Variants in RNF25 observed in about 807,000 individuals in gnomAD.
The protein encoded by RNF25 is ring finger protein 25.
A neutral mutation model predicts 65.0 loss-of-function variants in RNF25; 32 were observed. The observed-to-expected ratio is 0.49, with a 90% confidence interval of 0.37 to 0.66. The LOEUF (loss-of-function observed/expected upper bound fraction) is 0.66. RNF25 is among the 30% of genes least tolerant of loss of function. The pLI, the probability that RNF25 is intolerant of heterozygous loss-of-function variation, is 0.00. For synonymous variants in RNF25, 207 were observed against 221.2 expected (o/e 0.94, Z 0.57); for missense variants, 493 against 584.8 (o/e 0.84, Z 1.62).
At position 218,666,156 on chromosome 2, in the gene RNF25, C is replaced by T; in HGVS notation, c.429+3G>A. On this transcript the variant is annotated splice_donor_region_variant and intron_variant, in intron 6 of 9. Transcript: ENST00000295704. ...AATGCCAGGTCCCAAGAGAGAAACC[C>T]ACCTGGAAACCATAGAGGCAGATGA... 6.2e-7 allele frequency: 1 copy of T among 1,613,860 alleles called. No homozygotes were observed. Among genetic ancestry groups the T allele is most frequent in the Non-Finnish European group, 8.5e-7 (1 of 1,179,808 alleles).
In RNF25 at chr2:218,664,961, G is replaced by C. The variant is rs1939789138; in HGVS notation, c.667-88C>G. 6.4e-7 allele frequency: 1 copy of C among 1,561,512 alleles called. No individual in the cohort carries two copies. Among genetic ancestry groups the C allele is most frequent in the Non-Finnish European group, 8.7e-7 (1 of 1,149,302 alleles). On this transcript the variant is annotated intron_variant, in intron 8 of 9. Transcript: ENST00000295704. This position sits in a 1 kb window ranked among gnomAD's most constrained non-coding sequence, Gnocchi z 5.1. The stretch of plus-strand genomic sequence containing the variant: ...CCTCCCAGGCTGCCTCAGGAGATCT[G>C]CACTGGTTTTGCCCCTCAGGTCTGG...
intron 5 of RNF25, among the ~76,000 whole-genome samples, chr2:218,667,436 C>T (rs1225517897): frequency 1.3e-5 from 2 of 151,166 alleles, no homozygotes; most frequent in East Asian, 2.0e-4. Flanking sequence ...CTGCAATCTC[C>T]GCCTCCCGGG....
intron 1 of RNF25, among the ~76,000 whole-genome samples, chr2:218,670,480 A>G (rs1939927113): frequency 6.6e-6 from 1 of 151,364 alleles, no homozygotes; most frequent in African/African-American, 2.4e-5. Flanking sequence ...TGGATCATGA[A>G]GTCAGGAGAT....
rs1280210045 is a variant in RNF25, at chr2:218,664,350, C to G, written c.987G>C (p.Leu329Phe). ...CTAGCATAGCTTTCTGGGTTTCGCC[C>G]AACCTTTGCTGATTTGACCTGGTCC... ...IPGTRSNQQR[L>F]GETQKAMLDP... The change falls in exon 10 of 10, where the codon TTG becomes TTC. Residue 329 changes from leucine (L) to phenylalanine (F), a missense_variant. Transcript: ENST00000295704. The surrounding 1 kb of genome is among the most constrained non-coding windows in gnomAD (Gnocchi z 5.1). The G allele has an allele frequency of 6.2e-7, 1 of 1,614,070 alleles. No individual in the cohort carries two copies. Among genetic ancestry groups the G allele is most frequent in the African/African-American group, 1.3e-5 (1 of 74,934 alleles).
At chr2:218,666,100 C>T (rs781315810) in intron 6 of RNF25, 41 bp from the exon 7 acceptor site, 3 of 1,611,218 alleles carry the variant, frequency 1.9e-6, no homozygotes, top group Non-Finnish European at 2.5e-6. Context: ...TCAGAGCTCT[C>T]TCACAGCCCT....
chr2:218,671,888 T>G (rs779293714), intron 1 of RNF25, 42 bp downstream of exon 1: 2 of 1,612,686 alleles, frequency 1.2e-6, no homozygotes, highest in Admixed American at 1.7e-5. Flanking sequence ...GCCTCTGGAC[T>G]AGATCCAGGC....
chr2:218,665,262 A>C lies in RNF25; in HGVS notation c.574-15T>G, dbSNP rs771168759. ...CCGACTGCCTTCTAAAAAAGAGAAA[A>C]ATCATATGCCTGTGTCACAGCCCAG... is the stretch of plus-strand genomic sequence containing the variant. On this transcript the variant is annotated splice_polypyrimidine_tract_variant and intron_variant, in intron 7 of 9. Transcript: ENST00000295704. The C allele has an allele frequency of 2.5e-5, 41 of 1,610,992 alleles. No individual in the cohort carries two copies. Among genetic ancestry groups the C allele is most frequent in the Middle Eastern group, 1.6e-4 (1 of 6,072 alleles).
rs371228589 is a variant in RNF25, at chr2:218,664,522, G to A, written c.815C>T (p.Ala272Val). ...GACATCTACAGCTGACTCAGGTTCC[G>A]CAGGGGCAGGAGGCTAGAAATAAGT... Reference protein sequence around the residue: ...FISLQQPPAPAEPESAVDVSK... With the variant: ...FISLQQPPAPVEPESAVDVSK... The change falls in exon 10 of 10, where the codon GCG becomes GTG. Residue 272 changes from alanine to valine, a missense_variant. Transcript: ENST00000295704. This position sits in a 1 kb window ranked among gnomAD's most constrained non-coding sequence, Gnocchi z 5.1. The A allele has an allele frequency of 2.5e-5, 41 of 1,612,694 alleles. No homozygotes were observed. The highest frequency in any genetic ancestry group is 8.3e-5 in the Admixed American group (5 of 59,978).
At chr2:218,669,460 T>C (rs1236818058) in intron 1 of RNF25, among the ~76,000 whole-genome samples, 1 of 152,124 alleles carries the variant, frequency 6.6e-6, no homozygotes, top group South Asian at 2.1e-4. Flanking sequence ...TATATAACCT[T>C]CTCCCTTAGA....
intron 1 of RNF25, 97 bp from the exon 2 acceptor site, chr2:218,668,776 TA>T (rs1939891454): frequency 1.2e-6 from 1 of 831,536 alleles, no homozygotes; most frequent in Non-Finnish European, 2.1e-6. Context: ...AATGGCAATC[TA>T]CCAGAATGCA....
At chr2:218,666,338 G>A in intron 5 of RNF25, 108 bp from the exon 6 acceptor site, 1 of 831,554 alleles carries the variant, frequency 1.2e-6, no homozygotes, top group East Asian at 2.6e-5. Context: ...TAGCAGGCCA[G>A]TTTGTTACCT....
In RNF25 at chr2:218,664,465, G is replaced by T; in HGVS notation, c.872C>A (p.Ala291Glu). 1 of 1,614,198 alleles carries T rather than the reference G, an allele frequency of 6.2e-7. No individual in the cohort carries two copies. The highest frequency in any genetic ancestry group is 8.5e-7 in the Non-Finnish European group (1 of 1,180,034). The change falls in exon 10 of 10, where the codon GCA becomes GAA. Residue 291 changes from alanine (A) to glutamate (E), a missense_variant. Ala to Glu is a moderately radical substitution (Grantham distance 107). Around this residue, in one of 3 missense-constraint regions of RNF25, gnomAD observed 351 missense variants for 400.2 expected, o/e 0.88. Coordinates refer to ENST00000295704, the MANE Select transcript of RNF25 (RefSeq NM_022453.3). This position sits in a 1 kb window ranked among gnomAD's most constrained non-coding sequence, Gnocchi z 5.1. ...GGCTGGTGAGGTGGATAGTTCTGCT[G>T]CAAGGGTGCTGGGTGGTTGGGATCC... is the stretch of plus-strand genomic sequence containing the variant. ...SKGSQPPSTL[A>E]AELSTSPAVQ...
At chr2:218,669,454 T>C (rs983165517) in intron 1 of RNF25, among the ~76,000 whole-genome samples, 6 of 152,228 alleles carry the variant, frequency 3.9e-5, no homozygotes, top group African/African-American at 1.4e-4. Context: ...TGTCTGTATA[T>C]AACCTTCTCC....
intron 1 of RNF25, among the ~76,000 whole-genome samples, chr2:218,670,695 CAAAAAAAAAAA>C (rs34923737): frequency 2.5e-4 from 8 of 32,318 alleles, no homozygotes; most frequent in Admixed American, 1.5e-3. Flanking sequence ...GACTCCGTCT[CAAAAAAAAAAA>C]AAAAAAAAAA....
chr2:218,664,954 G>A lies in RNF25; in HGVS notation c.667-81C>T. 2 of 1,575,672 alleles carry A rather than the reference G, an allele frequency of 1.3e-6. No individual in the cohort carries two copies. Among genetic ancestry groups the A allele is most frequent in the Non-Finnish European group, 1.7e-6 (2 of 1,158,452 alleles). ...CTCTACTCCTCCCAGGCTGCCTCAGGAGATCTGCACTGGTTTTGCCCCTCA... is the reference window on the plus strand; with the variant it reads ...CTCTACTCCTCCCAGGCTGCCTCAGAAGATCTGCACTGGTTTTGCCCCTCA... On this transcript the variant is annotated intron_variant, in intron 8 of 9. Coordinates refer to ENST00000295704, the MANE Select transcript of RNF25 (RefSeq NM_022453.3). The surrounding 1 kb of genome is among the most constrained non-coding windows in gnomAD (Gnocchi z 5.1).
intron 7 of RNF25, among the ~76,000 whole-genome samples, 177 bp from the exon 8 acceptor site, chr2:218,665,424 C>T (rs146582335): frequency 1.2e-3 from 180 of 152,252 alleles, no homozygotes; most frequent in African/African-American, 4.1e-3. Flanking sequence ...CCCCCCGAAA[C>T]TGCATGCAAT....
At chr2:218,670,141 G>A (rs1458078647) in intron 1 of RNF25, among the ~76,000 whole-genome samples, 1 of 150,904 alleles carries the variant, frequency 6.6e-6, no homozygotes, top group Non-Finnish European at 1.5e-5. Flanking sequence ...CGAGGCTGTA[G>A]TGAGCCATGA....
chr2:218,670,154 T>C (rs1939914506), intron 1 of RNF25, among the ~76,000 whole-genome samples: 9 of 150,726 alleles, frequency 6.0e-5, no homozygotes, highest in Admixed American at 6.0e-4. Flanking sequence ...AGCCATGATC[T>C]TGCCACTGTA....
intron 1 of RNF25, among the ~76,000 whole-genome samples, chr2:218,669,179 T>C (rs1939897361): frequency 6.6e-6 from 1 of 152,174 alleles, no homozygotes; most frequent in South Asian, 2.1e-4. Flanking sequence ...GATAGCAACC[T>C]CAACACAACA....
Sources: gnomAD v4.1 joint callset for allele counts (sites outside exome capture counted in the v4.1 genomes callset) on GRCh38, gnomAD v4.1.1 for gene constraint, gnomAD v4.1.1 regional missense constraint, Gnocchi (gnomAD v3.1) non-coding constraint, MANE v1.5 for transcripts, NCBI Gene and HGNC (gene_info 2026-07-23, HGNC 2026-07-21) for gene names.